The following GFRA1 variants were observed in gnomAD, a reference collection of about 807,000 sequenced individuals.
GFRA1 encodes the protein GDNF family receptor alpha-1.
Under a neutral mutation model 51.6 loss-of-function variants are expected in GFRA1, and 16 were observed. The ratio of observed to expected loss-of-function variants is 0.31; its 90% confidence interval spans 0.21 to 0.47. GFRA1 has a LOEUF of 0.47. Ranked by LOEUF, GFRA1 falls within the 20% of genes least tolerant of loss-of-function variation. The pLI is 1.00. For missense variants in GFRA1, 530 were observed against 594.3 expected, an observed-to-expected ratio of 0.89 and a Z score of 1.13; for synonymous variants, 270 against 241.3, an observed-to-expected ratio of 1.12 and a Z score of -1.10.
chr10:116,185,976 T>C (rs2134296219), intron 5 of GFRA1, among the ~76,000 whole-genome samples: 1 of 152,306 alleles, frequency 6.6e-6, no homozygotes, highest in Middle Eastern at 3.4e-3. Context: ...GCTGCCCTTT[T>C]TATCTTTTAA....
At chr10:116,213,408 C>A (rs932229863) in intron 4 of GFRA1, among the ~76,000 whole-genome samples, 3 of 152,194 alleles carry the variant, frequency 2.0e-5, no homozygotes, top group African/African-American at 7.2e-5. Context: ...CTGAGCCCAT[C>A]TGTGCCCCCT....
chr10:116,164,914 C>T lies in GFRA1; in HGVS notation c.434-39357G>A, dbSNP rs139900327. Among the ~76,000 whole-genome samples, 1,098 of 152,206 alleles carry T rather than the reference C, an allele frequency of 7.2e-3. 2 individuals are homozygous for T. The highest frequency in any genetic ancestry group is 9.1e-3 in the Non-Finnish European group (616 of 68,008). On this transcript the variant is annotated intron_variant, in intron 5 of 10. Transcript: ENST00000355422. The stretch of plus-strand genomic sequence containing the variant: ...TCCTCCACCTGTGAAACCATTTATA[C>T]GATTTTTAAAACAAGTTTTTCATAA...
chr10:116,226,251 T>C (rs541843349), intron 4 of GFRA1, among the ~76,000 whole-genome samples: 1 of 152,198 alleles, frequency 6.6e-6, no homozygotes, highest in Non-Finnish European at 1.5e-5. Flanking sequence ...TAGAAGATGG[T>C]CGGCATGGCC....
At chr10:116,270,369 C>T (rs1218518009) in intron 3 of GFRA1, among the ~76,000 whole-genome samples, 1 of 152,186 alleles carries the variant, frequency 6.6e-6, no homozygotes, top group Admixed American at 6.5e-5. Context: ...TTCTCCTGGA[C>T]CTTTTACAAT....
chr10:116,167,218 C>CCAA (rs764806440), intron 5 of GFRA1, among the ~76,000 whole-genome samples: 33 of 152,138 alleles, frequency 2.2e-4, no homozygotes, highest in Non-Finnish European at 4.0e-4. Flanking sequence ...TCCTAATTTG[C>CCAA]CAACGGCTCC....
Position 116,064,537 on chromosome 10 carries a change from T to C in GFRA1, c.1259A>G (p.Tyr420Cys). The change falls in exon 11 of 11, where the codon TAT becomes TGT. Residue 420 changes from tyrosine (Y) to cysteine (C), a missense_variant. Tyr to Cys is a radical substitution (Grantham distance 194, BLOSUM62 -2). Transcript: ENST00000355422. ...NTHLCISNGN[Y>C]EKEGLGASSH... Reference sequence around the variant, plus strand: ...GGAAGCACCGAGACCTTCTTTTTCATAATTACCCTGTAAGGAAGAATGGTT... The same window carrying C: ...GGAAGCACCGAGACCTTCTTTTTCACAATTACCCTGTAAGGAAGAATGGTT... 6.2e-7 allele frequency: 1 copy of C among 1,612,318 alleles called. No homozygotes were observed. The highest frequency in any genetic ancestry group is 8.5e-7 in the Non-Finnish European group (1 of 1,178,520).
At chr10:116,175,444 A>C (rs532747327) in intron 5 of GFRA1, among the ~76,000 whole-genome samples, 1 of 152,218 alleles carries the variant, frequency 6.6e-6, no homozygotes, top group African/African-American at 2.4e-5. Context: ...AAGGAGGAGG[A>C]AAAAATGCAA....
chr10:116,146,779 G>A (rs558791612), intron 5 of GFRA1, among the ~76,000 whole-genome samples: 32 of 152,340 alleles, frequency 2.1e-4, no homozygotes, highest in African/African-American at 3.6e-4. Flanking sequence ...AGAAGGGAAC[G>A]TGGAGGGAAG....
intron 5 of GFRA1, among the ~76,000 whole-genome samples, chr10:116,179,143 C>T (rs554808596): frequency 6.6e-6 from 1 of 152,326 alleles, no homozygotes; most frequent in East Asian, 1.9e-4. Context: ...CAGCCAATCA[C>T]AGCCTCAGCA....
At chr10:116,083,989 A>C (rs1955975768) in intron 9 of GFRA1, among the ~76,000 whole-genome samples, 1 of 152,172 alleles carries the variant, frequency 6.6e-6, no homozygotes, top group South Asian at 2.1e-4. Flanking sequence ...AAATGTATTG[A>C]GGCTTTGTTG....
chr10:116,058,660 C>T lies in GFRA1; in HGVS notation c.*5738G>A, dbSNP rs555465785. 3.9e-5 allele frequency: 6 copies of T among 152,398 alleles called. No homozygotes were observed. Among genetic ancestry groups the T allele is most frequent in the African/African-American group, 1.4e-4 (6 of 41,590 alleles). 9.4% of individuals were successfully genotyped at this position (152,398 alleles called of 1,614,324 possible). A position where few individuals can be genotyped will look rare whatever the true frequency, so the allele number is the denominator to read the frequency against. ...CATGAAATGGAAGGATTCTGCCAAT[C>T]TGGAAGGGATGGGTGTTTCCCTAAG... On this transcript the variant is annotated 3_prime_UTR_variant, in exon 11 of 11. Transcript: ENST00000355422.
Position 116,147,798 on chromosome 10 carries a change from T to C in GFRA1, c.434-22241A>G, listed in dbSNP as rs185716982. On this transcript the variant is annotated intron_variant, in intron 5 of 10. Transcript: ENST00000355422. The stretch of plus-strand genomic sequence containing the variant: ...AGCGACTCTGCAAAAGGTCTCAGGT[T>C]AAAAATAGACCCTCCGCTATTCTCA... Among the ~76,000 whole-genome samples, 31 of 152,148 alleles carry C rather than the reference T, an allele frequency of 2.0e-4. 1 individual carries two copies. In the East Asian group the frequency reaches 3.1e-3, roughly 15 times the overall value.
intron 8 of GFRA1, among the ~76,000 whole-genome samples, chr10:116,090,981 T>G (rs1462868215): frequency 6.6e-6 from 1 of 152,232 alleles, no homozygotes. Flanking sequence ...CAAATTAATA[T>G]AAATGCTTTT....
At chr10:116,173,465 A>C (rs1346157193) in intron 5 of GFRA1, among the ~76,000 whole-genome samples, 1 of 152,108 alleles carries the variant, frequency 6.6e-6, no homozygotes, top group Non-Finnish European at 1.5e-5. Context: ...TAATTTTCCT[A>C]GTTCCGCCAT....
intron 5 of GFRA1, among the ~76,000 whole-genome samples, chr10:116,142,688 T>C (rs1958622660): frequency 6.6e-6 from 1 of 152,236 alleles, no homozygotes. Context: ...GTCTAACTGA[T>C]GTATTTTTAA....
chr10:116,194,948 T>C (rs559892622), intron 5 of GFRA1, among the ~76,000 whole-genome samples: 1 of 152,200 alleles, frequency 6.6e-6, no homozygotes, highest in Non-Finnish European at 1.5e-5. Flanking sequence ...AGGCAATAAA[T>C]GTTTTCAGCG....
chr10:116,235,116 A>G (rs772448661), intron 4 of GFRA1, among the ~76,000 whole-genome samples: 1 of 152,150 alleles, frequency 6.6e-6, no homozygotes, highest in Non-Finnish European at 1.5e-5. Flanking sequence ...TAGCACTGTG[A>G]GAATGGACTA....
In GFRA1 at chr10:116,119,868, C is replaced by T. The variant is rs538973074; in HGVS notation, c.770+5353G>A. ...ATGACACGTTCCCCAGTTGCCTGAT[C>T]GACCAACTAACAACATTACATTTCC... On this transcript the variant is annotated intron_variant, in intron 6 of 10. Coordinates refer to ENST00000355422, the MANE Select transcript of GFRA1 (RefSeq NM_005264.8). Among the ~76,000 whole-genome samples, 40 of 152,376 alleles carry T rather than the reference C, an allele frequency of 2.6e-4. No homozygotes were observed. In the South Asian group the frequency reaches 4.8e-3, roughly 18 times the overall value.
At chr10:116,208,035 C>G (rs1387752799) in intron 5 of GFRA1, among the ~76,000 whole-genome samples, 1 of 151,996 alleles carries the variant, frequency 6.6e-6, no homozygotes, top group Non-Finnish European at 1.5e-5. Flanking sequence ...TTAAAATTCA[C>G]CTCTGACTCC....
Sources: allele counts gnomAD v4.1 joint callset (sites outside exome capture counted in the v4.1 genomes callset), GRCh38; gene constraint gnomAD v4.1.1; transcripts MANE v1.5; gene names NCBI Gene and HGNC (gene_info 2026-07-23, HGNC 2026-07-21).